PRKCH: variants seen among roughly 807,000 people sequenced by gnomAD.
The protein encoded by PRKCH is protein kinase C eta type.
PRKCH carries 28 observed loss-of-function variants against 82.5 expected under a neutral mutation model. The observed-to-expected ratio is 0.34, with a 90% CI of 0.25 to 0.47. The LOEUF (loss-of-function observed/expected upper bound fraction) is 0.47, where lower values mean the gene tolerates loss of function less well. Ranked by LOEUF, PRKCH falls within the 20% of genes least tolerant of loss-of-function variation. The pLI is 1.00. For synonymous variants in PRKCH, 322 were observed against 327.4 expected, an observed-to-expected ratio of 0.98 and a Z score of 0.18; for missense variants, 705 against 881.8, an observed-to-expected ratio of 0.80 and a Z score of 2.54.
At chr14:61,273,342 C>T (rs1434079594) in intron 1 of PRKCH, among the ~76,000 whole-genome samples, 1 of 152,186 alleles carries the variant, frequency 6.6e-6, no homozygotes, top group Non-Finnish European at 1.5e-5. Flanking sequence ...ACTACTACTC[C>T]ATTTATTTTT....
At chr14:61,287,332 T>C (rs912063840) in intron 1 of PRKCH, among the ~76,000 whole-genome samples, 10 of 148,322 alleles carry the variant, frequency 6.7e-5, no homozygotes, top group African/African-American at 1.5e-4. Context: ...AACACCAGAA[T>C]AGGCAGAGGA....
chr14:61,250,571 G>T (rs954484704), intron 1 of PRKCH, among the ~76,000 whole-genome samples: 4 of 152,128 alleles, frequency 2.6e-5, no homozygotes, highest in Non-Finnish European at 4.4e-5. Flanking sequence ...AAGATCAGTG[G>T]TTGCCAAAGG....
At chr14:61,376,279 C>T (rs1329982855) in intron 1 of PRKCH, among the ~76,000 whole-genome samples, 1 of 152,162 alleles carries the variant, frequency 6.6e-6, no homozygotes, top group Non-Finnish European at 1.5e-5. Flanking sequence ...ATTCTCTAAA[C>T]ATGGCTTTGG....
At chr14:61,463,775 A>G (rs927317747) in intron 9 of PRKCH, among the ~76,000 whole-genome samples, 3 of 152,130 alleles carry the variant, frequency 2.0e-5, no homozygotes, top group African/African-American at 4.8e-5. Flanking sequence ...TTCTGTTTCT[A>G]TGAGTTTGGC....
At chr14:61,320,458 G>C (rs2045600610), upstream of PRKCH, among the ~76,000 whole-genome samples, 1 of 152,160 alleles carries the variant, frequency 6.6e-6, no homozygotes, top group Admixed American at 6.5e-5. Context: ...AATTAGCCGG[G>C]CGTGGTGGCG....
intron 9 of PRKCH, among the ~76,000 whole-genome samples, chr14:61,459,723 A>G (rs1474117687): frequency 1.3e-5 from 2 of 152,264 alleles, no homozygotes. Flanking sequence ...CGTTTTATTT[A>G]TAGCCTTTGA....
At chr14:61,240,125 C>T (rs926583034) in intron 1 of PRKCH, among the ~76,000 whole-genome samples, 1 of 151,744 alleles carries the variant, frequency 6.6e-6, no homozygotes, top group African/African-American at 2.4e-5. Context: ...TGTAGAAACA[C>T]CGTGGGTCCT....
At chr14:61,321,472 G>A (rs2045620468), upstream of PRKCH, among the ~76,000 whole-genome samples, 1 of 152,186 alleles carries the variant, frequency 6.6e-6, no homozygotes, top group South Asian at 2.1e-4. The surrounding 1 kb of genome is among the most constrained non-coding windows in gnomAD (Gnocchi z 4.1). Context: ...AGCGGGCACT[G>A]GCCTCCCGGG....
At chr14:61,211,097 G>T (rs1389679278) in intron 1 of PRKCH, among the ~76,000 whole-genome samples, 2 of 152,132 alleles carry the variant, frequency 1.3e-5, no homozygotes, top group African/African-American at 4.8e-5. Context: ...ACCTGTCTTT[G>T]TCTCTAAACA....
chr14:61,386,869 G>A (rs959756436), intron 1 of PRKCH, among the ~76,000 whole-genome samples: 47 of 152,098 alleles, frequency 3.1e-4, no homozygotes, highest in Non-Finnish European at 6.2e-4. Flanking sequence ...TATGTTTTTT[G>A]AGTGCAAGTG....
At chr14:61,343,623 G>T (rs772961767) in intron 1 of PRKCH, among the ~76,000 whole-genome samples, 9 of 152,104 alleles carry the variant, frequency 5.9e-5, no homozygotes, top group Non-Finnish European at 8.8e-5. Context: ...GCAAGACCTG[G>T]CCTTTTTGTA....
intron 1 of PRKCH, among the ~76,000 whole-genome samples, chr14:61,201,428 C>T (rs2044480570): frequency 6.6e-6 from 1 of 152,042 alleles, no homozygotes; most frequent in Non-Finnish European, 1.5e-5. Context: ...CTATGTTATC[C>T]AATCAGCAAT....
chr14:61,219,759 T>G (rs2044641044), intron 1 of PRKCH, among the ~76,000 whole-genome samples: 1 of 152,198 alleles, frequency 6.6e-6, no homozygotes, highest in Non-Finnish European at 1.5e-5. Context: ...TTGTGTCAAG[T>G]TTTTCAGCTT....
chr14:61,280,333 C>T lies in PRKCH; in HGVS notation c.-19+92665C>T, dbSNP rs1254490263. 2 of 1,613,902 alleles carry T rather than the reference C, an allele frequency of 1.2e-6. No individual in the cohort carries two copies. The highest frequency in any genetic ancestry group is 2.2e-5 in the East Asian group (1 of 44,872). On this transcript the variant is annotated intron_variant, in intron 1 of 3. Transcript: ENST00000555185. This position sits in a 1 kb window ranked among gnomAD's most constrained non-coding sequence, Gnocchi z 5.0. ...CCGCGGCAGCCCGGCCGAGTAGTTG[C>T]CCTGGCGGATGCGCGCGTACAGTTT...
At chr14:61,487,120 G>GT (rs1886259302) in intron 10 of PRKCH, among the ~76,000 whole-genome samples, 1 of 152,160 alleles carries the variant, frequency 6.6e-6, no homozygotes, top group Non-Finnish European at 1.5e-5. Flanking sequence ...AAGTGGGAAC[G>GT]CAAGCACTGC....
At chr14:61,218,292 T>C (rs1191628101) in intron 1 of PRKCH, among the ~76,000 whole-genome samples, 1 of 152,182 alleles carries the variant, frequency 6.6e-6, no homozygotes. Context: ...TCTGTCTCGT[T>C]ACCTTTCAAC....
intron 1 of PRKCH, among the ~76,000 whole-genome samples, chr14:61,340,758 T>A (rs947913894): frequency 6.6e-6 from 1 of 152,184 alleles, no homozygotes; most frequent in Admixed American, 6.5e-5. Flanking sequence ...CAAGTCAACA[T>A]GTCCACAATT....
intron 1 of PRKCH, among the ~76,000 whole-genome samples, chr14:61,308,566 TC>T (rs1437994694): frequency 6.6e-6 from 1 of 152,206 alleles, no homozygotes; most frequent in African/African-American, 2.4e-5. Context: ...CTTGTGTCTT[TC>T]TTGCTACTTG....
intron 10 of PRKCH, among the ~76,000 whole-genome samples, chr14:61,519,310 AATGAATG>A (rs760280020): frequency 2.2e-4 from 33 of 147,370 alleles, no homozygotes; most frequent in East Asian, 1.6e-3. Flanking sequence ...TGAATGAATG[AATGAATG>A]AATAAATAAA....
Sources: gnomAD v4.1 joint callset for allele counts (sites outside exome capture counted in the v4.1 genomes callset) on GRCh38, gnomAD v4.1.1 for gene constraint, Gnocchi (gnomAD v3.1) non-coding constraint, MANE v1.5 for transcripts, NCBI Gene and HGNC (gene_info 2026-07-23, HGNC 2026-07-21) for gene names.